The following SEC22A variants were observed in gnomAD, a reference collection of about 807,000 sequenced individuals.
SEC22A encodes vesicle-trafficking protein SEC22a.
A neutral mutation model predicts 35.3 loss-of-function variants in SEC22A; 22 were observed. That is an observed-to-expected ratio of 0.62 (90% CI 0.45 to 0.89). The LOEUF is 0.89. Ranked by LOEUF, SEC22A falls within the 40% of genes least tolerant of loss-of-function variation. The probability of loss-of-function intolerance (pLI) is 0.00; values close to 1 mark genes in which losing one functional copy is unlikely to be tolerated. For missense variants in SEC22A, 354 were observed against 362.5 expected (o/e 0.98, Z 0.19); for synonymous variants, 119 against 129.5 (o/e 0.92, Z 0.55).
At chr3:123,241,724 A>C (rs1267779375) in intron 4 of SEC22A, among the ~76,000 whole-genome samples, 1 of 152,156 alleles carries the variant, frequency 6.6e-6, no homozygotes, top group African/African-American at 2.4e-5. Flanking sequence ...CCACCTCTTA[A>C]CATCGCCAGT....
chr3:123,225,445 A>G (rs1345644582), intron 4 of SEC22A, 148 bp downstream of exon 4: 2 of 460,906 alleles, frequency 4.3e-6, no homozygotes, highest in African/African-American at 2.0e-5. Context: ...AGTGATTTAT[A>G]AAGTAAGCTA....
chr3:123,256,398 A>C (rs1331569483), intron 5 of SEC22A, among the ~76,000 whole-genome samples: 1 of 152,160 alleles, frequency 6.6e-6, no homozygotes, highest in Non-Finnish European at 1.5e-5. Context: ...CATATGCCCA[A>C]CTTAGTGCAT....
intron 1 of SEC22A, among the ~76,000 whole-genome samples, chr3:123,203,855 A>T (rs1400766294): frequency 6.6e-6 from 1 of 152,198 alleles, no homozygotes; most frequent in Non-Finnish European, 1.5e-5. Context: ...GGATTGACAC[A>T]TTTGAGCATG....
chr3:123,226,340 C>T (rs577424448), intron 4 of SEC22A, among the ~76,000 whole-genome samples: 5 of 152,274 alleles, frequency 3.3e-5, no homozygotes, highest in South Asian at 2.1e-4. Flanking sequence ...CTTTCTTCCA[C>T]GTCATCACCA....
intron 4 of SEC22A, among the ~76,000 whole-genome samples, chr3:123,232,671 A>T (rs1287582924): frequency 6.6e-6 from 1 of 152,170 alleles, no homozygotes; most frequent in African/African-American, 2.4e-5. Context: ...ATGTAGTGCA[A>T]CACTGTCTCT....
intron 2 of SEC22A, among the ~76,000 whole-genome samples, chr3:123,211,122 G>A (rs1559750791): frequency 6.6e-6 from 1 of 152,160 alleles, no homozygotes; most frequent in Non-Finnish European, 1.5e-5. Context: ...GTGGAACTTA[G>A]GGTGAGTGGA....
chr3:123,226,005 G>A (rs997013818), intron 4 of SEC22A, among the ~76,000 whole-genome samples: 8 of 152,138 alleles, frequency 5.3e-5, no homozygotes, highest in Non-Finnish European at 7.4e-5. Flanking sequence ...CAGTTCATCC[G>A]TGCTGTTGCA....
intron 6 of SEC22A, among the ~76,000 whole-genome samples, chr3:123,260,159 A>C (rs945624509): frequency 2.7e-5 from 4 of 146,676 alleles, no homozygotes; most frequent in Admixed American, 1.4e-4. Context: ...AAAAAAAAAA[A>C]AAAAAAAAAA....
In SEC22A at chr3:123,246,028, T is replaced by C; in HGVS notation, c.657+14T>C. 1 of 1,460,656 alleles carries C rather than the reference T, an allele frequency of 6.8e-7. No homozygotes were observed. The allele number at this position is 1,460,656 out of a possible 1,614,324, so 90.5% of individuals were successfully genotyped here. A position where few individuals can be genotyped will look rare whatever the true frequency, so the allele number is the denominator to read the frequency against. On this transcript the variant is annotated intron_variant, in intron 5 of 6. Coordinates refer to ENST00000492595, the MANE Select transcript of SEC22A (RefSeq NM_012430.5). The stretch of plus-strand genomic sequence containing the variant: ...AGTCTCCTGCAGGTACTGTGCTATT[T>C]TTGCAATTTCAGGTGACTGTGCCTC...
At chr3:123,249,144 G>A (rs1937590053) in intron 5 of SEC22A, among the ~76,000 whole-genome samples, 1 of 152,128 alleles carries the variant, frequency 6.6e-6, no homozygotes, top group African/African-American at 2.4e-5. Flanking sequence ...GCCATGAAGA[G>A]GTACATAGGG....
At chr3:123,245,135 ATATT>A (rs1406175087) in intron 4 of SEC22A, among the ~76,000 whole-genome samples, 1 of 152,198 alleles carries the variant, frequency 6.6e-6, no homozygotes, top group African/African-American at 2.4e-5. Context: ...GTATCCAGTG[ATATT>A]TATAGCCCTA....
intron 4 of SEC22A, among the ~76,000 whole-genome samples, chr3:123,230,979 A>G (rs1441651280): frequency 1.3e-5 from 2 of 152,146 alleles, no homozygotes; most frequent in African/African-American, 4.8e-5. Flanking sequence ...AAGGATAAAA[A>G]AAGATAAATG....
At chr3:123,264,571 C>A (rs1037663621) in intron 6 of SEC22A, among the ~76,000 whole-genome samples, 2 of 150,982 alleles carry the variant, frequency 1.3e-5, no homozygotes, top group Non-Finnish European at 2.9e-5. Flanking sequence ...TGATGCTAAA[C>A]ATTGTTTCAT....
chr3:123,241,782 A>G (rs1260487986), intron 4 of SEC22A, among the ~76,000 whole-genome samples: 5 of 152,162 alleles, frequency 3.3e-5, no homozygotes, highest in East Asian at 1.9e-4. Flanking sequence ...TGTGGTTCAT[A>G]TACACAATGG....
chr3:123,223,597 G>A lies in SEC22A; in HGVS notation c.221G>A (p.Cys74Tyr). Reference protein sequence around the residue: ...SSLGVSYMMLCTENYPNVLAF... With the variant: ...SSLGVSYMMLYTENYPNVLAF... ...CTGGGAGTGAGCTACATGATGTTGTGCACTGAAAATTACCCAAATGTTCTC... is the reference window on the plus strand; with the variant it reads ...CTGGGAGTGAGCTACATGATGTTGTACACTGAAAATTACCCAAATGTTCTC... The change falls in exon 3 of 7, where the codon TGC becomes TAC. Residue 74 changes from cysteine (C) to tyrosine (Y), a missense_variant. Physicochemically the swap from Cys to Tyr is radical, Grantham distance 194. Coordinates refer to ENST00000492595, the MANE Select transcript of SEC22A (RefSeq NM_012430.5). 1 of 1,613,710 alleles carries A rather than the reference G, an allele frequency of 6.2e-7. No individual in the cohort carries two copies. Among genetic ancestry groups the A allele is most frequent in the African/African-American group, 1.3e-5 (1 of 75,030 alleles).
At chr3:123,226,298 G>A (rs941819824) in intron 4 of SEC22A, among the ~76,000 whole-genome samples, 2 of 152,134 alleles carry the variant, frequency 1.3e-5, no homozygotes, top group Non-Finnish European at 2.9e-5. Flanking sequence ...CATAGTGGTT[G>A]TACTAATTTA....
chr3:123,256,220 CTACTATTAAAA>C (rs1471391606), intron 5 of SEC22A, among the ~76,000 whole-genome samples: 14 of 152,126 alleles, frequency 9.2e-5, no homozygotes, highest in Admixed American at 6.6e-5. Context: ...TTTCATTTAA[CTACTATTAAAA>C]TAGAAGACTG....
intron 2 of SEC22A, among the ~76,000 whole-genome samples, chr3:123,215,964 G>T (rs1167903625): frequency 1.3e-5 from 2 of 152,192 alleles, no homozygotes; most frequent in Non-Finnish European, 2.9e-5. Flanking sequence ...CAGGGAGAGG[G>T]TGTGGCAGGG....
At chr3:123,231,629 A>G (rs542411327) in intron 4 of SEC22A, among the ~76,000 whole-genome samples, 71 of 152,336 alleles carry the variant, frequency 4.7e-4, no homozygotes, top group Middle Eastern at 3.4e-3. Flanking sequence ...ATGAATGAAA[A>G]TGAAGATTCA....
Sources: gnomAD v4.1 joint callset for allele counts (sites outside exome capture counted in the v4.1 genomes callset) on GRCh38, gnomAD v4.1.1 for gene constraint, MANE v1.5 for transcripts, NCBI Gene and HGNC (gene_info 2026-07-23, HGNC 2026-07-21) for gene names.